GPC3: variants seen among roughly 807,000 people sequenced by gnomAD.
The protein encoded by GPC3 is glypican-3.
Under a neutral mutation model 34.4 loss-of-function variants are expected in GPC3, and 3 were observed. The ratio of observed to expected loss-of-function variants is 0.09; its 90% confidence interval spans 0.04 to 0.23. GPC3 has a LOEUF of 0.23. Ranked by LOEUF, GPC3 falls within the 10% of genes least tolerant of loss-of-function variation. The pLI, the probability that GPC3 is intolerant of heterozygous loss-of-function variation, is 1.00. For synonymous variants in GPC3, 177 were observed against 174.0 expected (o/e 1.02, Z -0.13); for missense variants, 351 against 445.6 (o/e 0.79, Z 1.91).
At chrX:133,840,464 C>G (rs2075819005) in intron 2 of GPC3, among the ~76,000 whole-genome samples, 2 of 111,015 alleles carry the variant, frequency 1.8e-5, no homozygotes, top group Admixed American at 1.9e-4. Flanking sequence ...GTGGCTTCAT[C>G]CCTAAAATGG....
At position 133,535,885 on chromosome X, in the gene GPC3, G is replaced by GTTTT; in HGVS notation, c.*235_*238dup. ...GAGAATAATTTGGCACAACTTGATGGTTTTTTTTCTTTCTTTGCAAAAGGA... is the reference window on the plus strand; with the variant it reads ...GAGAATAATTTGGCACAACTTGATGGTTTTTTTTTTTTCTTTCTTTGCAAAAGGA... On this transcript the variant is annotated 3_prime_UTR_variant, in exon 8 of 8. Coordinates refer to ENST00000370818, the MANE Select transcript of GPC3 (RefSeq NM_004484.4). 1 of 380,046 alleles carries GTTTT rather than the reference G, an allele frequency of 2.6e-6. No homozygotes were observed. Among genetic ancestry groups the GTTTT allele is most frequent in the Non-Finnish European group, 4.5e-6 (1 of 220,989 alleles). The allele number at this position is 380,046 out of a possible 1,213,427, so 31.3% of individuals were successfully genotyped here. A position where few individuals can be genotyped will look rare whatever the true frequency, so the allele number is the denominator to read the frequency against.
intron 6 of GPC3, among the ~76,000 whole-genome samples, chrX:133,635,391 C>T (rs765046985): frequency 9.0e-6 from 1 of 111,567 alleles, no homozygotes; most frequent in East Asian, 3.0e-4. Flanking sequence ...CAACTTAAAG[C>T]ACCTCCATCT....
chrX:133,769,110 T>C (rs1412368134), intron 2 of GPC3, among the ~76,000 whole-genome samples: 13 of 112,160 alleles, frequency 1.2e-4, no homozygotes, highest in Non-Finnish European at 3.8e-5. Context: ...GAGAACATTA[T>C]GCTAAATGAA....
chrX:133,958,303 G>A (rs2076425113), intron 1 of GPC3, among the ~76,000 whole-genome samples: 1 of 111,737 alleles, frequency 8.9e-6, no homozygotes, highest in Non-Finnish European at 1.9e-5. Flanking sequence ...CACTTTGGGA[G>A]GCTGAGGTGG....
intron 7 of GPC3, among the ~76,000 whole-genome samples, chrX:133,555,435 AG>A (rs2069478835): frequency 1.8e-5 from 2 of 112,465 alleles, no homozygotes; most frequent in South Asian, 7.3e-4. Context: ...TTTATCGCTG[AG>A]GATTCTCAAA....
At chrX:133,810,829 C>T (rs1038887784) in intron 2 of GPC3, among the ~76,000 whole-genome samples, 1 of 89,113 alleles carries the variant, frequency 1.1e-5, no homozygotes, top group South Asian at 6.6e-4. Flanking sequence ...GGCATGAACC[C>T]GGGAGGCGGG....
intron 1 of GPC3, among the ~76,000 whole-genome samples, chrX:133,974,111 C>G (rs1321194321): frequency 1.8e-5 from 2 of 111,904 alleles, no homozygotes; most frequent in South Asian, 3.7e-4. Context: ...AGTGCAGTGC[C>G]GTGATCTCAG....
intron 2 of GPC3, among the ~76,000 whole-genome samples, chrX:133,873,543 G>A (rs1245205225): frequency 9.0e-6 from 1 of 111,464 alleles, no homozygotes; most frequent in Non-Finnish European, 1.9e-5. Context: ...TGGGTGATGA[G>A]ACAGAACAAA....
intron 2 of GPC3, among the ~76,000 whole-genome samples, chrX:133,902,169 A>G (rs1359993970): frequency 8.9e-6 from 1 of 112,848 alleles, no homozygotes; most frequent in African/African-American, 3.2e-5. Context: ...ATTAGGTAAC[A>G]GAAAGTACAG....
At chrX:133,778,981 TTTA>T (rs2072018032) in intron 2 of GPC3, among the ~76,000 whole-genome samples, 1 of 112,445 alleles carries the variant, frequency 8.9e-6, no homozygotes, top group Admixed American at 9.4e-5. Flanking sequence ...TCACAAGGAC[TTTA>T]TTAACATCAT....
intron 1 of GPC3, among the ~76,000 whole-genome samples, chrX:133,977,856 T>G (rs1182314476): frequency 8.9e-6 from 1 of 112,078 alleles, no homozygotes; most frequent in Admixed American, 9.4e-5. Context: ...TTAAGAGAAC[T>G]CTCATGAGGC....
intron 2 of GPC3, among the ~76,000 whole-genome samples, chrX:133,874,901 A>G (rs1264536828): frequency 8.9e-6 from 1 of 112,185 alleles, no homozygotes; most frequent in Non-Finnish European, 1.9e-5. Context: ...TTTAGAAGGT[A>G]AAGTTTTAGG....
At chrX:133,655,479 CA>C (rs1569406888) in intron 6 of GPC3, among the ~76,000 whole-genome samples, 5 of 95,013 alleles carry the variant, frequency 5.3e-5, no homozygotes, top group African/African-American at 2.4e-4. Flanking sequence ...CACACACCCA[CA>C]CACACACACA....
intron 7 of GPC3, among the ~76,000 whole-genome samples, chrX:133,579,257 G>T (rs932728172): frequency 8.9e-6 from 1 of 112,224 alleles, no homozygotes; most frequent in African/African-American, 3.2e-5. Context: ...TGCTTTAACC[G>T]CTTTACATTA....
Position 133,619,011 on chromosome X carries a change from T to A in GPC3, c.1414-22412A>T, listed in dbSNP as rs768736078. 2.1e-4 allele frequency among the ~76,000 whole-genome samples: 23 copies of A among 108,994 alleles called. No homozygotes were observed. The East Asian group carries it at 6.1e-3, about 29-fold the overall frequency. The allele number at this position is 108,994 out of a possible 115,157, so 94.6% of individuals were successfully genotyped here. On this transcript the variant is annotated intron_variant, in intron 6 of 7. Coordinates refer to ENST00000370818, the MANE Select transcript of GPC3 (RefSeq NM_004484.4). Reference sequence around the variant, plus strand: ...AAAATAAAAAGGCAAATACCCAATTTAAAAAAAAATGGACAAAGGATCTGA... The same window carrying A: ...AAAATAAAAAGGCAAATACCCAATTAAAAAAAAAATGGACAAAGGATCTGA...
At chrX:133,661,450 G>T (rs2070714986) in intron 6 of GPC3, among the ~76,000 whole-genome samples, 1 of 110,697 alleles carries the variant, frequency 9.0e-6, no homozygotes. Flanking sequence ...TTTAAAAGTG[G>T]GGTGAAAAAT....
At chrX:133,539,159 C>T (rs899365273) in intron 7 of GPC3, among the ~76,000 whole-genome samples, 13 of 110,244 alleles carry the variant, frequency 1.2e-4, no homozygotes, top group African/African-American at 4.3e-4. Context: ...ACCATCTCCA[C>T]GATGTTATAA....
intron 5 of GPC3, 40 bp from the exon 6 acceptor site, chrX:133,661,890 G>T: frequency 1.7e-6 from 2 of 1,195,110 alleles, no homozygotes; most frequent in Non-Finnish European, 2.3e-6. Context: ...GTCAAAGAAA[G>T]TCCCAAACAA....
intron 3 of GPC3, among the ~76,000 whole-genome samples, chrX:133,738,489 C>A (rs1210187208): frequency 8.9e-6 from 1 of 111,934 alleles, no homozygotes; most frequent in African/African-American, 3.2e-5. Context: ...ATATCTAAAA[C>A]AAGGAGATAT....
Sources: allele counts gnomAD v4.1 joint callset (sites outside exome capture counted in the v4.1 genomes callset), GRCh38; gene constraint gnomAD v4.1.1; transcripts MANE v1.5; gene names NCBI Gene and HGNC (gene_info 2026-07-23, HGNC 2026-07-21).